The following CRACD variants were observed in gnomAD, a reference collection of about 807,000 sequenced individuals.
CRACD encodes capping protein inhibiting regulator of actin dynamics.
In CRACD, 56 loss-of-function variants were observed where a neutral mutation model predicts 106.8. That is an observed-to-expected ratio of 0.52 (90% confidence interval 0.42 to 0.66). The LOEUF (loss-of-function observed/expected upper bound fraction) is 0.66. Among genes scored for constraint, CRACD ranks in the 30% least tolerant of loss-of-function variants. CRACD has a pLI of 0.00. For synonymous variants in CRACD, 754 were observed against 670.8 expected (o/e 1.12, Z -1.92); for missense variants, 1,730 against 1,623.2 (o/e 1.07, Z -1.13).
Position 56,315,286 on chromosome 4 carries a change from C to T in CRACD, c.1784C>T (p.Ala595Val). ...TCGTCCCTGAGCGTTCCCCACACCG[C>T]CATTCTGGTCACGGGCGCGCAGCTC... ...LPSSLSVPHTAILVTGAQLCG... is the reference protein window; with the variant it reads ...LPSSLSVPHTVILVTGAQLCG... The change falls in exon 8 of 11, where the codon GCC becomes GTC. Residue 595 changes from alanine to valine, a missense_variant. By Grantham distance (64) the Ala-to-Val change is moderately conservative. Around this residue, in one of 5 missense-constraint regions of CRACD, gnomAD observed 1,620 missense variants for 1,481.6 expected, o/e 1.09. Coordinates refer to ENST00000682029, the MANE Select transcript of CRACD (RefSeq NM_001393381.1). The surrounding 1 kb of genome is among the most constrained non-coding windows in gnomAD (Gnocchi z 4.1). 1 of 1,613,418 alleles carries T rather than the reference C, an allele frequency of 6.2e-7. No individual in the cohort carries two copies. Among genetic ancestry groups the T allele is most frequent in the African/African-American group, 1.3e-5 (1 of 75,030 alleles).
chr4:56,230,105 C>T (rs1412313623), intron 2 of CRACD, among the ~76,000 whole-genome samples: 10 of 152,176 alleles, frequency 6.6e-5, no homozygotes, highest in Admixed American at 6.5e-4. Context: ...CATCTGTTCA[C>T]CACATTAATT....
rs1364592398 is a variant in CRACD, at chr4:56,315,299, G to T, written c.1797G>T (p.Thr599=). ...LSVPHTAILV[T]GAQLCGPAVN... is the part of the protein sequence containing the mutation. ...TTCCCCACACCGCCATTCTGGTCAC[G>T]GGCGCGCAGCTCTGTGGCCCGGCAG... Residue 599 remains threonine, a synonymous_variant, in exon 8 of 11, where the codon ACG becomes ACT. Coordinates refer to ENST00000682029, the MANE Select transcript of CRACD (RefSeq NM_001393381.1). This position sits in a 1 kb window ranked among gnomAD's most constrained non-coding sequence, Gnocchi z 4.1. 6 of 1,613,556 alleles carry T rather than the reference G, an allele frequency of 3.7e-6. No homozygotes were observed. Among genetic ancestry groups the T allele is most frequent in the Non-Finnish European group, 2.5e-6 (3 of 1,179,906 alleles).
At chr4:56,058,732 G>C (rs1732171865) in intron 1 of CRACD, among the ~76,000 whole-genome samples, 1 of 152,180 alleles carries the variant, frequency 6.6e-6, no homozygotes. Flanking sequence ...GCTCAGATGT[G>C]ACTGTAGTGA....
intron 1 of CRACD, among the ~76,000 whole-genome samples, chr4:56,141,816 C>A (rs1283333776): frequency 6.6e-6 from 1 of 150,648 alleles, no homozygotes; most frequent in African/African-American, 2.4e-5. Context: ...TCCTTAGCCT[C>A]CCAAATAGCT....
intron 1 of CRACD, among the ~76,000 whole-genome samples, chr4:56,093,853 A>G (rs1296478610): frequency 6.6e-6 from 1 of 152,148 alleles, no homozygotes; most frequent in Non-Finnish European, 1.5e-5. Context: ...CAGAAACGCA[A>G]AGGCCTTTCC....
At chr4:56,107,904 A>G (rs1734001341) in intron 1 of CRACD, among the ~76,000 whole-genome samples, 1 of 152,220 alleles carries the variant, frequency 6.6e-6, no homozygotes, top group African/African-American at 2.4e-5. Flanking sequence ...AGTTGCTTAC[A>G]ACATTTTCAT....
rs181897205 is a variant in CRACD, at chr4:56,308,988, T to A, written c.285+1289T>A. 26 of 881,914 alleles carry A rather than the reference T, an allele frequency of 2.9e-5. No homozygotes were observed. In the African/African-American group the frequency reaches 4.0e-4, roughly 13 times the overall value. 54.6% of individuals were successfully genotyped at this position (881,914 alleles called of 1,614,324 possible). Reference sequence around the variant, plus strand: ...TTCTACAAGGGGCCCCCCATCTCTGTAGTTTACACCCTAATGAGAGGGTGT... The same window carrying A: ...TTCTACAAGGGGCCCCCCATCTCTGAAGTTTACACCCTAATGAGAGGGTGT... On this transcript the variant is annotated intron_variant, in intron 5 of 10. Transcript: ENST00000682029.
At chr4:56,063,752 G>C (rs1188134363) in intron 1 of CRACD, among the ~76,000 whole-genome samples, 6 of 152,116 alleles carry the variant, frequency 3.9e-5, no homozygotes, top group African/African-American at 1.4e-4. Context: ...ATTTTCTGTT[G>C]ATGGATATTT....
chr4:56,326,559 A>G (rs1746461139), intron 10 of CRACD, among the ~76,000 whole-genome samples: 1 of 152,174 alleles, frequency 6.6e-6, no homozygotes. Context: ...AGCCATTGCC[A>G]TAGGCACTAT....
chr4:56,071,228 G>A (rs1732636557), intron 1 of CRACD, among the ~76,000 whole-genome samples: 1 of 152,126 alleles, frequency 6.6e-6, no homozygotes, highest in Non-Finnish European at 1.5e-5. Context: ...CACAGGAAGA[G>A]GGCAAATTGA....
At chr4:56,117,168 C>T (rs1406332913) in intron 1 of CRACD, among the ~76,000 whole-genome samples, 1 of 151,526 alleles carries the variant, frequency 6.6e-6, no homozygotes, top group African/African-American at 2.4e-5. Flanking sequence ...CTACAGGTGC[C>T]CGCCACCACG....
At chr4:56,141,971 G>C (rs1015933498) in intron 1 of CRACD, among the ~76,000 whole-genome samples, 2 of 152,032 alleles carry the variant, frequency 1.3e-5, no homozygotes, top group African/African-American at 4.8e-5. Flanking sequence ...TAGGATTATA[G>C]CCATGAGCCA....
At chr4:56,310,559 C>G in intron 5 of CRACD, 107 bp from the exon 6 acceptor site, 1 of 783,030 alleles carries the variant, frequency 1.3e-6, no homozygotes, top group South Asian at 1.5e-5. Flanking sequence ...CAGCTGCACC[C>G]CTGTGTAGAG....
At position 56,314,862 on chromosome 4, in the gene CRACD, C is replaced by A. The variant is rs1265876817; in HGVS notation, c.1360C>A (p.Gln454Lys). 17 of 1,611,952 alleles carry A rather than the reference C, an allele frequency of 1.1e-5. No homozygotes were observed. Among genetic ancestry groups the A allele is most frequent in the Non-Finnish European group, 1.4e-5 (17 of 1,179,568 alleles). Residue 454 changes from glutamine to lysine, a missense_variant, in exon 8 of 11, where the codon CAG becomes AAG. By Grantham distance (53) the Gln-to-Lys change is moderately conservative (BLOSUM62 1). Transcript: ENST00000682029. This position sits in a 1 kb window ranked among gnomAD's most constrained non-coding sequence, Gnocchi z 4.4. ...CGAGGAGCCAGGTATTTGCGAGGAG[C>A]AGAACCCAGAGGCCGAGCGGCGAAG... ...HSEEPGICEE[Q>K]NPEAERRREQ...
intron 2 of CRACD, among the ~76,000 whole-genome samples, chr4:56,219,697 C>T (rs1738925443): frequency 1.3e-5 from 2 of 152,186 alleles, no homozygotes; most frequent in South Asian, 4.1e-4. Flanking sequence ...GGTTATGCAA[C>T]TCATGTGATC....
intron 1 of CRACD, among the ~76,000 whole-genome samples, chr4:56,150,226 A>G (rs567539079): frequency 1.3e-5 from 2 of 152,364 alleles, no homozygotes; most frequent in African/African-American, 2.4e-5. Context: ...AGATGTCATG[A>G]AGCTTCACTT....
At chr4:56,285,603 T>C (rs912783128) in intron 3 of CRACD, among the ~76,000 whole-genome samples, 5 of 151,992 alleles carry the variant, frequency 3.3e-5, no homozygotes, top group African/African-American at 1.2e-4. Context: ...CCACGCCCCA[T>C]GAATTTTTTA....
chr4:56,315,019 A>G lies in CRACD; in HGVS notation c.1517A>G (p.Glu506Gly), dbSNP rs1745485467. Residue 506 changes from glutamate (E) to glycine (G), a missense_variant, in exon 8 of 11, where the codon GAG becomes GGG. Physicochemically the swap from Glu to Gly is moderately conservative, Grantham distance 98. Transcript: ENST00000682029. This position sits in a 1 kb window ranked among gnomAD's most constrained non-coding sequence, Gnocchi z 4.1. ...GTGGAAGCCGCGCAGCCTCCGGTGG[A>G]GAGGAAAGAAGCCGCCGCCCTTGAA... is the stretch of plus-strand genomic sequence containing the variant. ...GPVEAAQPPV[E>G]RKEAAALEQG... is the part of the protein sequence containing the mutation. 2 of 1,592,504 alleles carry G rather than the reference A, an allele frequency of 1.3e-6. No homozygotes were observed. The highest frequency in any genetic ancestry group is 1.8e-5 in the Admixed American group (1 of 55,370).
At chr4:56,308,599 T>A (rs1318544292) in intron 5 of CRACD, among the ~76,000 whole-genome samples, 2 of 152,188 alleles carry the variant, frequency 1.3e-5, no homozygotes, top group Non-Finnish European at 2.9e-5. Context: ...TATCAACTGA[T>A]GTGTCATGAG....
Sources: allele counts gnomAD v4.1 joint callset (sites outside exome capture counted in the v4.1 genomes callset), GRCh38; gene constraint gnomAD v4.1.1; regional missense constraint gnomAD v4.1.1; non-coding constraint Gnocchi (gnomAD v3.1); transcripts MANE v1.5; gene names NCBI Gene and HGNC (gene_info 2026-07-23, HGNC 2026-07-21).